The following ZC3H12D variants were observed in gnomAD, a reference collection of about 807,000 sequenced individuals.
ZC3H12D encodes the protein zinc finger CCCH-type containing 12D, also known as probable ribonuclease ZC3H12D.
Under a neutral mutation model 24.2 loss-of-function variants are expected in ZC3H12D, and 11 were observed. That is an observed-to-expected ratio of 0.46 (90% confidence interval 0.29 to 0.75). ZC3H12D has a LOEUF of 0.75. ZC3H12D is among the 30% of genes least tolerant of loss of function. The pLI is 0.11. For synonymous variants in ZC3H12D, 333 were observed against 341.8 expected (o/e 0.97, Z 0.28); for missense variants, 740 against 767.7 (o/e 0.96, Z 0.43).
rs372995522 is a variant in ZC3H12D, at chr6:149,452,669, A to T, written c.734T>A (p.Phe245Tyr). The T allele has an allele frequency of 6.8e-6, 11 of 1,608,736 alleles. No homozygotes were observed. The African/African-American group carries it at 1.2e-4, about 18-fold the overall frequency. Residue 245 changes from phenylalanine to tyrosine, a missense_variant, in exon 5 of 6, where the codon TTC becomes TAC. Physicochemically the swap from Phe to Tyr is conservative, Grantham distance 22. Coordinates refer to ENST00000409806, the MANE Select transcript of ZC3H12D (RefSeq NM_207360.3). This position sits in a 1 kb window ranked among gnomAD's most constrained non-coding sequence, Gnocchi z 4.0. ...LGRHGPSLSN[F>Y]LSRKPKPPEP... ...TGGGGGCTTCGGCTTCCTGCTCAGG[A>T]AGTTGCTCAGGGAGGGTCCATGGCG...
At chr6:149,451,502 G>A (rs896607377) in intron 5 of ZC3H12D, 23 bp from the exon 6 acceptor site, 1 of 1,548,672 alleles carries the variant, frequency 6.5e-7, no homozygotes, top group Non-Finnish European at 8.6e-7. Context: ...GGGGCAGAGA[G>A]GGCGCGACGT....
Position 149,465,910 on chromosome 6 carries a change from G to C in ZC3H12D, c.306-3940C>G, listed in dbSNP as rs575577494. 4.7e-4 allele frequency among the ~76,000 whole-genome samples: 50 copies of C among 107,148 alleles called. No homozygotes were observed. The East Asian group carries it at 0.017, about 35-fold the overall frequency. 70.3% of individuals were successfully genotyped at this position (107,148 alleles called of 152,430 possible). On this transcript the variant is annotated intron_variant, in intron 2 of 5. Transcript: ENST00000409806. ...CCCAACCATAGGGGAGGGGGAGATG[G>C]AGAAACATCAAGACTGTGAACAAGA...
rs1020247046 is a variant in ZC3H12D, at chr6:149,447,988, A to C, written c.*2695T>G. The C allele has an allele frequency of 6.6e-6, 1 of 152,246 alleles. No homozygotes were observed. Among genetic ancestry groups the C allele is most frequent in the African/African-American group, 2.4e-5 (1 of 41,468 alleles). The allele number at this position is 152,246 out of a possible 1,614,324, so 9.4% of individuals were successfully genotyped here. On this transcript the variant is annotated 3_prime_UTR_variant, in exon 6 of 6. Transcript: ENST00000409806. ...AGAAAGCGTGTCTTGTCAAAAGGTT[A>C]AAAATAAAAATAAAGGCCCGGGGCC...
At position 149,461,842 on chromosome 6, in the gene ZC3H12D, G is replaced by C. The variant is rs746396064; in HGVS notation, c.434C>G (p.Thr145Ser). 6.4e-7 allele frequency: 1 copy of C among 1,561,822 alleles called. No homozygotes were observed. The highest frequency in any genetic ancestry group is 1.2e-5 in the South Asian group (1 of 84,630). The change falls in exon 3 of 6, where the codon ACC (threonine) becomes AGC (serine). Residue 145 changes from threonine to serine, a missense_variant. Transcript: ENST00000409806. ...CTGCTCCAGCATACCTCTGATAGGG[G>C]TGTCAGCTCTTGGTGGGTCCTTCCT... The part of the protein sequence containing the change: ...SWRKDPPRAD[T>S]PIREQHVLAE...
At position 149,447,695 on chromosome 6, in the gene ZC3H12D, C is replaced by T. The variant is rs1775806813; in HGVS notation, c.*2988G>A. On this transcript the variant is annotated 3_prime_UTR_variant, in exon 6 of 6. Coordinates refer to ENST00000409806, the MANE Select transcript of ZC3H12D (RefSeq NM_207360.3). ...ATGCAACTAGGAACATTTCATTTAC[C>T]TGTCCCATCTATGTTTTTCTGTCAC... 1 of 152,174 alleles carries T rather than the reference C, an allele frequency of 6.6e-6. No individual in the cohort carries two copies. The highest frequency in any genetic ancestry group is 1.5e-5 in the Non-Finnish European group (1 of 68,032). 9.4% of individuals were successfully genotyped at this position (152,174 alleles called of 1,614,324 possible).
chr6:149,469,436 C>T (rs1314684628), intron 2 of ZC3H12D, among the ~76,000 whole-genome samples: 1 of 151,550 alleles, frequency 6.6e-6, no homozygotes, highest in Admixed American at 6.6e-5. Context: ...CCAGCCTGGG[C>T]GACAGAGCGA....
Position 149,456,586 on chromosome 6 carries a change from G to A in ZC3H12D, c.680+80C>T, listed in dbSNP as rs1775983077. ...GGGTGACCCCAAGCTCCTCCACCTG[G>A]TAGCAGGCGTGGCCACTGCCTCGAC... On this transcript the variant is annotated intron_variant, in intron 4 of 5. Transcript: ENST00000409806. The surrounding 1 kb of genome is among the most constrained non-coding windows in gnomAD (Gnocchi z 4.3). 8.0e-7 allele frequency: 1 copy of A among 1,244,398 alleles called. No individual in the cohort carries two copies. The highest frequency in any genetic ancestry group is 1.5e-5 in the African/African-American group (1 of 67,676). 77.1% of individuals were successfully genotyped at this position (1,244,398 alleles called of 1,614,324 possible).
At chr6:149,475,961 A>G (rs958487776) in intron 1 of ZC3H12D, among the ~76,000 whole-genome samples, 2 of 152,216 alleles carry the variant, frequency 1.3e-5, no homozygotes, top group African/African-American at 2.4e-5. Flanking sequence ...ATGAAAACAT[A>G]TTTATTGCAA....
chr6:149,457,529 A>G (rs188196948), intron 3 of ZC3H12D, among the ~76,000 whole-genome samples: 25 of 152,342 alleles, frequency 1.6e-4, no homozygotes, highest in South Asian at 8.3e-4. Flanking sequence ...GTTCCTGGGT[A>G]CTTCACCCCG....
chr6:149,472,702 G>A (rs1256868822), intron 2 of ZC3H12D, among the ~76,000 whole-genome samples: 1 of 152,062 alleles, frequency 6.6e-6, no homozygotes. Flanking sequence ...TGGGGACTGG[G>A]CATGTTTTTT....
intron 2 of ZC3H12D, among the ~76,000 whole-genome samples, chr6:149,462,728 C>T (rs549240776): frequency 3.9e-4 from 60 of 152,332 alleles, no homozygotes; most frequent in Non-Finnish European, 7.3e-4. Flanking sequence ...GTAGAATGAG[C>T]GGACTTGCTG....
intron 2 of ZC3H12D, among the ~76,000 whole-genome samples, chr6:149,466,859 G>C (rs1776171390): frequency 6.7e-6 from 1 of 150,242 alleles, no homozygotes; most frequent in Non-Finnish European, 1.5e-5. Flanking sequence ...TTGGGTGACA[G>C]AGCAAGACTC....
chr6:149,454,930 G>T (rs1310472548), intron 4 of ZC3H12D, among the ~76,000 whole-genome samples: 2 of 152,264 alleles, frequency 1.3e-5, no homozygotes, highest in African/African-American at 4.8e-5. Flanking sequence ...TGCAGGGGCA[G>T]TTGGCCTTGG....
chr6:149,451,712 A>AG (rs1363512382), intron 5 of ZC3H12D, among the ~76,000 whole-genome samples: 1 of 152,014 alleles, frequency 6.6e-6, no homozygotes, highest in Middle Eastern at 3.2e-3. Flanking sequence ...GGCCTGGGTG[A>AG]GGGGGCGCTG....
chr6:149,462,393 C>CA lies in ZC3H12D; in HGVS notation c.306-424dup, dbSNP rs950883898. Reference sequence around the variant, plus strand: ...TGTCTCAACAAAAAACAAAACAAAACAAAAAAAAACCACACACACACACAA... The same window carrying CA: ...TGTCTCAACAAAAAACAAAACAAAACAAAAAAAAAACCACACACACACACAA... On this transcript the variant is annotated intron_variant, in intron 2 of 5. Transcript: ENST00000409806. Among the ~76,000 whole-genome samples, 10 of 112,512 alleles carry CA rather than the reference C, an allele frequency of 8.9e-5. No homozygotes were observed. The East Asian group carries it at 1.3e-3, about 14-fold the overall frequency. The allele number at this position is 112,512 out of a possible 152,430, so 73.8% of individuals were successfully genotyped here.
chr6:149,471,494 G>C (rs1033476705), intron 2 of ZC3H12D, among the ~76,000 whole-genome samples: 1 of 152,218 alleles, frequency 6.6e-6, no homozygotes, highest in African/African-American at 2.4e-5. Flanking sequence ...TGGCCACAAA[G>C]CATAGAATTA....
chr6:149,474,401 C>T lies in ZC3H12D; in HGVS notation c.143G>A (p.Gly48Asp), dbSNP rs1234555996. The T allele has an allele frequency of 3.1e-6, 5 of 1,608,422 alleles. No individual in the cohort carries two copies. Among genetic ancestry groups the T allele is most frequent in the Non-Finnish European group, 4.3e-6 (5 of 1,175,832 alleles). ...QELIRTGSRP[G>D]ALEHPAAPRL... ...GGGTGCAGCCGGGTGCTCCAGGGCACCCGGGCGGCTGCCCGTGCGGATAAG... is the reference window on the plus strand; with the variant it reads ...GGGTGCAGCCGGGTGCTCCAGGGCATCCGGGCGGCTGCCCGTGCGGATAAG... The change falls in exon 2 of 6, where the codon GGT becomes GAT. Residue 48 changes from glycine to aspartate, a missense_variant. Transcript: ENST00000409806.
chr6:149,450,103 G>C lies in ZC3H12D; in HGVS notation c.*580C>G, dbSNP rs1444864509. The C allele has an allele frequency of 1.3e-5, 2 of 152,112 alleles. No individual in the cohort carries two copies. Among genetic ancestry groups the C allele is most frequent in the African/African-American group, 4.8e-5 (2 of 41,370 alleles). The allele number at this position is 152,112 out of a possible 1,614,324, so 9.4% of individuals were successfully genotyped here. On this transcript the variant is annotated 3_prime_UTR_variant, in exon 6 of 6. Coordinates refer to ENST00000409806, the MANE Select transcript of ZC3H12D (RefSeq NM_207360.3). ...GAGGCTGGGCTGCCCTTGCGGGTGG[G>C]GTTAGCAATAGCTAACATGAAAACT...
Position 149,456,627 on chromosome 6 carries a change from C to CCCCCCCCCCCCCGGGGTG in ZC3H12D, c.680+38_680+39insCACCCCGGGGGGGGGGGG. 7.1e-7 allele frequency: 1 copy of CCCCCCCCCCCCCGGGGTG among 1,403,092 alleles called. No homozygotes were observed. The highest frequency in any genetic ancestry group is 1.0e-6 in the Non-Finnish European group (1 of 997,694). 86.9% of individuals were successfully genotyped at this position (1,403,092 alleles called of 1,614,324 possible). On this transcript the variant is annotated intron_variant, in intron 4 of 5. Coordinates refer to ENST00000409806, the MANE Select transcript of ZC3H12D (RefSeq NM_207360.3). This position sits in a 1 kb window ranked among gnomAD's most constrained non-coding sequence, Gnocchi z 4.3. ...CTGCCTCGACCCCGGCCCCCCGCCC[C>CCCCCCCCCCCCCGGGGTG]GCCGCCCCCCAGGGTGTCAGGACCC...
Sources: allele counts gnomAD v4.1 joint callset (sites outside exome capture counted in the v4.1 genomes callset), GRCh38; gene constraint gnomAD v4.1.1; non-coding constraint Gnocchi (gnomAD v3.1); transcripts MANE v1.5; gene names NCBI Gene and HGNC (gene_info 2026-07-23, HGNC 2026-07-21).